The following TBC1D22A variants were observed in gnomAD, a reference collection of about 807,000 sequenced individuals.
TBC1D22A encodes putative GTPase activator.
TBC1D22A carries 38 observed loss-of-function variants against 60.2 expected under a neutral mutation model. That is an observed-to-expected ratio of 0.63 (90% confidence interval 0.49 to 0.83). The LOEUF (loss-of-function observed/expected upper bound fraction) is 0.83, where lower values mean the gene tolerates loss of function less well. Among genes scored for constraint, TBC1D22A ranks in the 40% least tolerant of loss-of-function variants. The probability of loss-of-function intolerance (pLI) is 0.00; values close to 1 mark genes in which losing one functional copy is unlikely to be tolerated. For missense variants in TBC1D22A, 628 were observed against 701.0 expected (o/e 0.90, Z 1.18); for synonymous variants, 302 against 281.7 (o/e 1.07, Z -0.72).
At chr22:46,999,945 A>G (rs1372626326) in intron 10 of TBC1D22A, among the ~76,000 whole-genome samples, 1 of 152,184 alleles carries the variant, frequency 6.6e-6, no homozygotes, top group East Asian at 1.9e-4. Context: ...GACTGGCGTG[A>G]ACCCGGGAGG....
chr22:46,861,038 G>C (rs556060825), intron 4 of TBC1D22A, among the ~76,000 whole-genome samples: 1 of 152,208 alleles, frequency 6.6e-6, no homozygotes, highest in African/African-American at 2.4e-5. Flanking sequence ...TTGGCTCACT[G>C]TCTCTGCCTC....
chr22:46,888,490 G>A (rs1340976712), intron 5 of TBC1D22A, among the ~76,000 whole-genome samples: 2 of 152,084 alleles, frequency 1.3e-5, no homozygotes, highest in African/African-American at 4.8e-5. Flanking sequence ...TGTTGTGCCC[G>A]CCATCTGGTT....
chr22:46,843,860 C>T (rs905784197), intron 4 of TBC1D22A, among the ~76,000 whole-genome samples: 20 of 151,976 alleles, frequency 1.3e-4, no homozygotes, highest in African/African-American at 4.4e-4. Flanking sequence ...GAGTAGCACC[C>T]GGCAGCACCC....
chr22:47,007,241 T>C lies in TBC1D22A; in HGVS notation c.1201+9532T>C, dbSNP rs560722759. Among the ~76,000 whole-genome samples the C allele has an allele frequency of 3.9e-4, 59 of 152,268 alleles. No individual in the cohort carries two copies. The South Asian group carries it at 5.2e-3, about 13-fold the overall frequency. Reference sequence around the variant, plus strand: ...TGGGGCCATCATGAGTACTTCTGAATTGGGTTGGTAGTGTGCCACAGCTGG... The same window carrying C: ...TGGGGCCATCATGAGTACTTCTGAACTGGGTTGGTAGTGTGCCACAGCTGG... On this transcript the variant is annotated intron_variant, in intron 10 of 12. Transcript: ENST00000337137.
chr22:47,055,543 T>C (rs2063364216), intron 11 of TBC1D22A, among the ~76,000 whole-genome samples: 1 of 152,130 alleles, frequency 6.6e-6, no homozygotes, highest in Non-Finnish European at 1.5e-5. Context: ...GGCAAGAATT[T>C]GGAGCCCGAC....
rs969023998 is a variant in TBC1D22A at position 47,028,908 on chromosome 22, G to A, written c.1202-8163G>A. On this transcript the variant is annotated intron_variant, in intron 10 of 12. Coordinates refer to ENST00000337137, the MANE Select transcript of TBC1D22A (RefSeq NM_014346.5). The surrounding 1 kb of genome is among the most constrained non-coding windows in gnomAD (Gnocchi z 4.4). The stretch of plus-strand genomic sequence containing the variant: ...TCCCAGAGTTGGTGTCAGACTCTAT[G>A]AGCTAAGGGCTCAGTCCTTAACAAG... Among the ~76,000 whole-genome samples the A allele has an allele frequency of 7.9e-5, 12 of 152,156 alleles. No individual in the cohort carries two copies. Among genetic ancestry groups the A allele is most frequent in the African/African-American group, 2.9e-4 (12 of 41,420 alleles).
At chr22:47,006,291 G>C (rs1427042531) in intron 10 of TBC1D22A, among the ~76,000 whole-genome samples, 5 of 152,208 alleles carry the variant, frequency 3.3e-5, no homozygotes, top group Non-Finnish European at 5.9e-5. Context: ...CACAGTGCAG[G>C]CATCGCAGTG....
chr22:46,861,659 A>AG (rs1229997574), intron 4 of TBC1D22A, among the ~76,000 whole-genome samples: 1 of 152,206 alleles, frequency 6.6e-6, no homozygotes, highest in Non-Finnish European at 1.5e-5. Context: ...ACCTCCCAGG[A>AG]GGGGGAGGAG....
intron 12 of TBC1D22A, among the ~76,000 whole-genome samples, chr22:47,123,892 G>A (rs902777381): frequency 6.6e-6 from 1 of 152,202 alleles, no homozygotes; most frequent in African/African-American, 2.4e-5. Flanking sequence ...GGTTTGTGTT[G>A]CTGTGTGGGG....
intron 8 of TBC1D22A, among the ~76,000 whole-genome samples, chr22:46,937,233 A>T (rs1459225197): frequency 1.3e-5 from 2 of 152,236 alleles, no homozygotes; most frequent in Non-Finnish European, 2.9e-5. Context: ...AAATAGAAGA[A>T]AATGCATTCT....
chr22:47,130,313 C>A (rs1601610206), intron 12 of TBC1D22A, among the ~76,000 whole-genome samples: 1 of 152,172 alleles, frequency 6.6e-6, no homozygotes, highest in Non-Finnish European at 1.5e-5. Context: ...TCAGGACACC[C>A]CCTCCTGCCG....
intron 10 of TBC1D22A, among the ~76,000 whole-genome samples, chr22:47,012,772 T>C (rs1293061859): frequency 1.3e-5 from 2 of 152,210 alleles, no homozygotes; most frequent in African/African-American, 2.4e-5. Flanking sequence ...AGCTTATTCT[T>C]TCAGAGCTCG....
At chr22:46,830,377 A>G (rs150360985) in intron 4 of TBC1D22A, among the ~76,000 whole-genome samples, 1 of 152,330 alleles carries the variant, frequency 6.6e-6, no homozygotes, top group African/African-American at 2.4e-5. Flanking sequence ...CAGTGATTGC[A>G]GTGTTTCCAG....
At chr22:47,048,056 A>G (rs131911) in intron 11 of TBC1D22A, among the ~76,000 whole-genome samples, 106,907 of 152,166 alleles carry the variant, frequency 0.7, 38,041 homozygotes, top group East Asian at 0.92. Flanking sequence ...CAGGGTCCCA[A>G]TGGAGGCTGA....
intron 4 of TBC1D22A, among the ~76,000 whole-genome samples, chr22:46,838,853 ATCTTT>A (rs1459428649): frequency 1.5e-4 from 23 of 152,332 alleles, no homozygotes; most frequent in African/African-American, 5.5e-4. Flanking sequence ...AAAATTCAAC[ATCTTT>A]TCTTGATAAA....
chr22:47,021,660 C>T (rs1447749943), intron 10 of TBC1D22A, among the ~76,000 whole-genome samples: 1 of 152,224 alleles, frequency 6.6e-6, no homozygotes, highest in Non-Finnish European at 1.5e-5. Context: ...AGCAGAACCC[C>T]ACCTGTAGCC....
At chr22:46,973,710 A>G (rs1248226829) in intron 8 of TBC1D22A, among the ~76,000 whole-genome samples, 1 of 152,198 alleles carries the variant, frequency 6.6e-6, no homozygotes, top group African/African-American at 2.4e-5. Context: ...GCATTTTAAA[A>G]ACTTTTAGAT....
intron 1 of TBC1D22A, among the ~76,000 whole-genome samples, chr22:46,783,517 G>A (rs1256987672): frequency 2.0e-5 from 3 of 152,214 alleles, no homozygotes; most frequent in Non-Finnish European, 4.4e-5. Flanking sequence ...CCGCTGTGGG[G>A]TCTTTGCCTG....
chr22:46,968,333 G>A (rs1360317372), intron 8 of TBC1D22A, among the ~76,000 whole-genome samples: 2 of 152,176 alleles, frequency 1.3e-5, no homozygotes, highest in African/African-American at 2.4e-5. Context: ...GCAGGACCTG[G>A]GTGTGTTACC....
Sources: allele counts gnomAD v4.1 joint callset (sites outside exome capture counted in the v4.1 genomes callset), GRCh38; gene constraint gnomAD v4.1.1; non-coding constraint Gnocchi (gnomAD v3.1); transcripts MANE v1.5; gene names NCBI Gene and HGNC (gene_info 2026-07-23, HGNC 2026-07-21).